DSCAML1: variants seen among roughly 807,000 people sequenced by gnomAD.
DSCAML1 encodes the protein DS cell adhesion molecule like 1.
DSCAML1 carries 38 observed loss-of-function variants against 200.5 expected under a neutral mutation model. The ratio of observed to expected loss-of-function variants is 0.19; its 90% confidence interval spans 0.15 to 0.25. The LOEUF is 0.25. Among genes scored for constraint, DSCAML1 ranks in the 10% least tolerant of loss-of-function variants. The pLI, the probability that DSCAML1 is intolerant of heterozygous loss-of-function variation, is 1.00. For synonymous variants in DSCAML1, 1,215 were observed against 1,165.0 expected (o/e 1.04, Z -0.87); for missense variants, 2,223 against 2,858.8 (o/e 0.78, Z 5.07).
In DSCAML1 at chr11:117,711,188, G is replaced by A. The variant is rs565295753; in HGVS notation, c.511+65603C>T. Reference sequence around the variant, plus strand: ...TTATGATTTCTGCCTCATGGGGCAGGCTGAGCTCAGCCCAGGGCAAAGCAA... The same window carrying A: ...TTATGATTTCTGCCTCATGGGGCAGACTGAGCTCAGCCCAGGGCAAAGCAA... On this transcript the variant is annotated intron_variant, in intron 3 of 32. Coordinates refer to ENST00000651296, the MANE Select transcript of DSCAML1 (RefSeq NM_020693.4). 2.6e-5 allele frequency among the ~76,000 whole-genome samples: 4 copies of A among 152,302 alleles called. No homozygotes were observed. In the East Asian group the frequency reaches 5.8e-4, roughly 22 times the overall value.
Position 117,797,026 on chromosome 11 carries a change from G to A in DSCAML1, c.46+8C>T, listed in dbSNP as rs1354474584. ...CCTCCGCCGCCCAGCCGCCCGCGCA[G>A]GTCTCACCTTTGTGTAAAGAGTCCA... On this transcript the variant is annotated splice_region_variant and intron_variant, in intron 1 of 32. Coordinates refer to ENST00000651296, the MANE Select transcript of DSCAML1 (RefSeq NM_020693.4). 2 of 1,501,318 alleles carry A rather than the reference G, an allele frequency of 1.3e-6. No homozygotes were observed. The highest frequency in any genetic ancestry group is 1.3e-5 in the South Asian group (1 of 76,376). The allele number at this position is 1,501,318 out of a possible 1,614,324, so 93.0% of individuals were successfully genotyped here.
chr11:117,780,880 C>T lies in DSCAML1; in HGVS notation c.47-70G>A. On this transcript the variant is annotated intron_variant, in intron 1 of 32. Transcript: ENST00000651296. The surrounding 1 kb of genome is among the most constrained non-coding windows in gnomAD (Gnocchi z 4.8). The stretch of plus-strand genomic sequence containing the variant: ...ACAATACCCATATAAGCCACGGAGG[C>T]TTGCGACAGGCTGCACTCATTCACC... 1 of 1,283,636 alleles carries T rather than the reference C, an allele frequency of 7.8e-7. No homozygotes were observed. Among genetic ancestry groups the T allele is most frequent in the East Asian group, 2.9e-5 (1 of 34,164 alleles). 79.5% of individuals were successfully genotyped at this position (1,283,636 alleles called of 1,614,324 possible). A position where few individuals can be genotyped will look rare whatever the true frequency, so the allele number is the denominator to read the frequency against.
At chr11:117,501,383 G>A (rs967002294) in intron 11 of DSCAML1, among the ~76,000 whole-genome samples, 3 of 152,104 alleles carry the variant, frequency 2.0e-5, no homozygotes, top group South Asian at 2.1e-4. Flanking sequence ...TCACAGCAGT[G>A]TCCTCTGGCA....
intron 3 of DSCAML1, among the ~76,000 whole-genome samples, chr11:117,756,461 G>A (rs2054695367): frequency 6.6e-6 from 1 of 152,296 alleles, no homozygotes; most frequent in East Asian, 1.9e-4. Flanking sequence ...GGGAGCCAGA[G>A]CCAGCGACCA....
intron 3 of DSCAML1, among the ~76,000 whole-genome samples, chr11:117,733,580 C>T (rs887015728): frequency 1.3e-5 from 2 of 152,184 alleles, no homozygotes; most frequent in African/African-American, 4.8e-5. Context: ...GGCCTGCGGT[C>T]CCTCGACACG....
chr11:117,775,616 G>A (rs1365663460), intron 3 of DSCAML1, among the ~76,000 whole-genome samples: 1 of 152,038 alleles, frequency 6.6e-6, no homozygotes, highest in Non-Finnish European at 1.5e-5. Flanking sequence ...GTCTCCTGCT[G>A]CATTAGCTGT....
chr11:117,642,078 G>A lies in DSCAML1; in HGVS notation c.512-109556C>T, dbSNP rs2137596628. 6.6e-6 allele frequency among the ~76,000 whole-genome samples: 1 copy of A among 152,170 alleles called. No individual in the cohort carries two copies. ...CAGCTCCCTTTTCTGAACATCGATGGCAGTCATCTCTACCTCACCTGCCCT... is the reference window on the plus strand; with the variant it reads ...CAGCTCCCTTTTCTGAACATCGATGACAGTCATCTCTACCTCACCTGCCCT... On this transcript the variant is annotated intron_variant, in intron 3 of 32. Transcript: ENST00000651296. The surrounding 1 kb of genome is among the most constrained non-coding windows in gnomAD (Gnocchi z 4.1).
chr11:117,439,065 T>G (rs1592575462), intron 23 of DSCAML1, 82 bp from the exon 24 acceptor site: 1 of 1,413,978 alleles, frequency 7.1e-7, no homozygotes, highest in South Asian at 1.4e-5. Flanking sequence ...GACGGGAAGG[T>G]GCTGGCTCTC....
chr11:117,683,346 T>C (rs1942923), intron 3 of DSCAML1, among the ~76,000 whole-genome samples: 41,418 of 152,126 alleles, frequency 0.27, 6,376 homozygotes, highest in African/African-American at 0.42. Context: ...TAAACTGGAC[T>C]GCACGCCTCT....
chr11:117,470,490 G>A (rs1355990977), intron 15 of DSCAML1, among the ~76,000 whole-genome samples: 4 of 152,218 alleles, frequency 2.6e-5, no homozygotes, highest in Non-Finnish European at 4.4e-5. Flanking sequence ...CAGGAGAATG[G>A]CATGAACCCA....
Position 117,450,639 on chromosome 11 carries a change from A to G in DSCAML1, c.3618T>C (p.Ser1206=), listed in dbSNP as rs753958119. 2 of 1,614,182 alleles carry G rather than the reference A, an allele frequency of 1.2e-6. No individual in the cohort carries two copies. The highest frequency in any genetic ancestry group is 2.2e-5 in the South Asian group (2 of 91,082). The part of the protein sequence containing the change: ...GIKAVPSSAS[S]VVVSWLPPTK... ...TAGGGGGGAGCCAAGACACAACCACACTGCTAGCTGATGAAGGGACAGCTT... is the reference window on the plus strand; with the variant it reads ...TAGGGGGGAGCCAAGACACAACCACGCTGCTAGCTGATGAAGGGACAGCTT... Residue 1206 remains serine, a synonymous_variant, in exon 20 of 33, where the codon AGT becomes AGC. Transcript: ENST00000651296.
intron 3 of DSCAML1, among the ~76,000 whole-genome samples, chr11:117,733,670 G>A (rs1165306917): frequency 6.6e-6 from 1 of 152,208 alleles, no homozygotes; most frequent in Non-Finnish European, 1.5e-5. Flanking sequence ...CAGGTCTCAG[G>A]GACCAACTGC....
intron 3 of DSCAML1, among the ~76,000 whole-genome samples, chr11:117,736,220 C>T (rs749853172): frequency 2.0e-5 from 3 of 152,168 alleles, no homozygotes; most frequent in Non-Finnish European, 2.9e-5. Flanking sequence ...GCAGTCACCA[C>T]GAGGCTTGGC....
rs1448655710 is a variant in DSCAML1 at position 117,504,537 on chromosome 11, TG to T, written c.2182+386del. ...AGCAAAGGCATCCCTGGGATGAAAT[TG>T]GGCTCCAAGAAGGACCCTGACCCCA... On this transcript the variant is annotated intron_variant, in intron 10 of 32. Transcript: ENST00000651296. The surrounding 1 kb of genome is among the most constrained non-coding windows in gnomAD (Gnocchi z 5.0). 6.6e-6 allele frequency among the ~76,000 whole-genome samples: 1 copy of T among 152,120 alleles called. No homozygotes were observed. The highest frequency in any genetic ancestry group is 2.4e-5 in the African/African-American group (1 of 41,432).
At chr11:117,745,180 G>A (rs1381583517) in intron 3 of DSCAML1, among the ~76,000 whole-genome samples, 1 of 150,968 alleles carries the variant, frequency 6.6e-6, no homozygotes, top group East Asian at 2.0e-4. Flanking sequence ...TGACAGCTGG[G>A]AGGGGCACGT....
intron 3 of DSCAML1, among the ~76,000 whole-genome samples, chr11:117,685,245 T>C (rs2053384891): frequency 6.6e-6 from 1 of 152,342 alleles, no homozygotes; most frequent in South Asian, 2.1e-4. Context: ...GGCTCTTTCC[T>C]AAGATGAAGC....
At chr11:117,650,365 G>C (rs2052605722) in intron 3 of DSCAML1, among the ~76,000 whole-genome samples, 1 of 152,174 alleles carries the variant, frequency 6.6e-6, no homozygotes, top group African/African-American at 2.4e-5. Flanking sequence ...ATGTTGCCAG[G>C]ATCCAGTTAT....
chr11:117,449,400 G>T lies in DSCAML1; in HGVS notation c.3708+1149C>A, dbSNP rs1210602895. ...GCCGCAGTCAGTGGGCTTCCCCTCT[G>T]GTAATAGAACTCTGGTCTCACTGGC... On this transcript the variant is annotated intron_variant, in intron 20 of 32. Coordinates refer to ENST00000651296, the MANE Select transcript of DSCAML1 (RefSeq NM_020693.4). Among the ~76,000 whole-genome samples the T allele has an allele frequency of 4.6e-5, 7 of 152,238 alleles. No homozygotes were observed. The South Asian group carries it at 6.2e-4, about 14-fold the overall frequency.
chr11:117,486,078 C>A (rs1234200342), intron 11 of DSCAML1, among the ~76,000 whole-genome samples: 1 of 152,232 alleles, frequency 6.6e-6, no homozygotes, highest in Non-Finnish European at 1.5e-5. Context: ...GGGTGTGTGG[C>A]TTGACATGCA....
Sources: allele counts gnomAD v4.1 joint callset (sites outside exome capture counted in the v4.1 genomes callset), GRCh38; gene constraint gnomAD v4.1.1; non-coding constraint Gnocchi (gnomAD v3.1); transcripts MANE v1.5; gene names NCBI Gene and HGNC (gene_info 2026-07-23, HGNC 2026-07-21).